Variants in SHC4 observed in about 807,000 individuals in gnomAD.
SHC4 encodes the protein SHC adaptor protein 4, also known as SHC-transforming protein 4.
A neutral mutation model predicts 69.4 loss-of-function variants in SHC4; 41 were observed. That is an observed-to-expected ratio of 0.59 (90% CI 0.46 to 0.77). The LOEUF is 0.77. Ranked by LOEUF, SHC4 falls within the 30% of genes least tolerant of loss-of-function variation. The pLI is 0.00. For synonymous variants in SHC4, 318 were observed against 299.3 expected (o/e 1.06, Z -0.64); for missense variants, 777 against 783.8 (o/e 0.99, Z 0.10).
At chr15:48,833,346 G>A (rs957541920) in intron 11 of SHC4, among the ~76,000 whole-genome samples, 6 of 152,152 alleles carry the variant, frequency 3.9e-5, no homozygotes, top group African/African-American at 1.4e-4. Flanking sequence ...GGCACTGCAA[G>A]TTCTCTGGTT....
At chr15:48,858,854 A>T (rs945513203) in intron 6 of SHC4, among the ~76,000 whole-genome samples, 1 of 152,202 alleles carries the variant, frequency 6.6e-6, no homozygotes, top group Non-Finnish European at 1.5e-5. Flanking sequence ...AATATACACA[A>T]GAGTGTTGTA....
At chr15:48,896,244 CTCTT>C (rs972346532) in intron 2 of SHC4, among the ~76,000 whole-genome samples, 10 of 142,142 alleles carry the variant, frequency 7.0e-5, no homozygotes, top group Non-Finnish European at 1.2e-4. Flanking sequence ...CCCTCCCTCT[CTCTT>C]TCTCTCTCTC....
At chr15:48,846,809 C>T (rs1455062131) in intron 9 of SHC4, among the ~76,000 whole-genome samples, 1 of 152,160 alleles carries the variant, frequency 6.6e-6, no homozygotes, top group Non-Finnish European at 1.5e-5. Context: ...AACCCCACCA[C>T]GTTTTGAAGA....
At chr15:48,873,557 A>G (rs1275908744) in intron 4 of SHC4, among the ~76,000 whole-genome samples, 1 of 152,174 alleles carries the variant, frequency 6.6e-6, no homozygotes, top group African/African-American at 2.4e-5. Flanking sequence ...ATCCTAGCTA[A>G]CACAGTGAAA....
chr15:48,878,135 T>C (rs1899855196), intron 4 of SHC4: 1 of 1,517,044 alleles, frequency 6.6e-7, no homozygotes, highest in Non-Finnish European at 8.8e-7. Flanking sequence ...GCAGCATCTG[T>C]CTTGCTGGAA....
intron 2 of SHC4, among the ~76,000 whole-genome samples, chr15:48,924,235 A>C (rs1258707755): frequency 6.6e-6 from 1 of 151,788 alleles, no homozygotes; most frequent in Non-Finnish European, 1.5e-5. Context: ...CATCTCCCTC[A>C]CTTCACAATT....
At chr15:48,956,912 A>G (rs1271387741) in intron 1 of SHC4, among the ~76,000 whole-genome samples, 1 of 151,626 alleles carries the variant, frequency 6.6e-6, no homozygotes, top group African/African-American at 2.4e-5. Context: ...TCAGGATTTT[A>G]AGCAGCATTT....
intron 1 of SHC4, among the ~76,000 whole-genome samples, chr15:48,959,122 T>C (rs1225050492): frequency 3.3e-5 from 5 of 152,140 alleles, no homozygotes; most frequent in African/African-American, 1.2e-4. Flanking sequence ...AGATGAAAAA[T>C]ATAGTCCCTA....
At chr15:48,922,530 C>T (rs567768474) in intron 2 of SHC4, among the ~76,000 whole-genome samples, 2 of 152,342 alleles carry the variant, frequency 1.3e-5, no homozygotes, top group East Asian at 1.9e-4. Context: ...CTTGCTGCAT[C>T]CTCACATGCT....
In SHC4 at chr15:48,825,444, G is replaced by C. The variant is rs2140960268; in HGVS notation, c.*527C>G. The C allele has an allele frequency of 6.5e-6, 1 of 152,756 alleles. No individual in the cohort carries two copies. Among genetic ancestry groups the C allele is most frequent in the South Asian group, 2.1e-4 (1 of 4,854 alleles). The allele number at this position is 152,756 out of a possible 1,614,324, so 9.5% of individuals were successfully genotyped here. ...ATGTCATATTTATTTTAACATTGCA[G>C]TGAAAAATGCTGCTAAACAGAAAAT... is the stretch of plus-strand genomic sequence containing the variant. On this transcript the variant is annotated 3_prime_UTR_variant, in exon 12 of 12. Coordinates refer to ENST00000332408, the MANE Select transcript of SHC4 (RefSeq NM_203349.4).
chr15:48,957,042 A>G (rs770005075), intron 1 of SHC4, among the ~76,000 whole-genome samples: 4 of 132,456 alleles, frequency 3.0e-5, no homozygotes, highest in Non-Finnish European at 4.6e-5. Flanking sequence ...TAGTGGCATG[A>G]TCTCAGCTCA....
At chr15:48,837,820 G>T (rs1898925979) in intron 10 of SHC4, among the ~76,000 whole-genome samples, 1 of 152,032 alleles carries the variant, frequency 6.6e-6, no homozygotes, top group African/African-American at 2.4e-5. Context: ...GATCTAATGG[G>T]CAAAAACCTC....
rs1898657580 is a variant in SHC4 at position 48,824,958 on chromosome 15, C to CATA, written c.*1010_*1012dup. On this transcript the variant is annotated 3_prime_UTR_variant, in exon 12 of 12. Coordinates refer to ENST00000332408, the MANE Select transcript of SHC4 (RefSeq NM_203349.4). ...TTTTTCCTTCTGCATTTTGTCTGAT[C>CATA]ATATCTATACGAGGTGCTAAGGATA... is the stretch of plus-strand genomic sequence containing the variant. The CATA allele has an allele frequency of 2.0e-5, 3 of 152,052 alleles. No individual in the cohort carries two copies. The South Asian group carries it at 6.2e-4, about 32-fold the overall frequency. 9.4% of individuals were successfully genotyped at this position (152,052 alleles called of 1,614,324 possible).
At chr15:48,828,115 G>GTGTATA (rs1208135088) in intron 11 of SHC4, among the ~76,000 whole-genome samples, 25 of 75,262 alleles carry the variant, frequency 3.3e-4, no homozygotes, top group African/African-American at 7.3e-4. Context: ...GTGTGTGTGT[G>GTGTATA]TATATATATA....
intron 6 of SHC4, among the ~76,000 whole-genome samples, chr15:48,860,155 T>C (rs1176658540): frequency 1.0e-5 from 1 of 97,908 alleles, no homozygotes; most frequent in East Asian, 2.4e-4. Flanking sequence ...ACCAAATAAA[T>C]ACTTTTTTTT....
intron 8 of SHC4, among the ~76,000 whole-genome samples, chr15:48,852,142 GGCATTACAGCTA>G (rs1360124397): frequency 3.3e-4 from 51 of 152,302 alleles, no homozygotes; most frequent in Middle Eastern, 6.8e-3. Flanking sequence ...AGTGCAATGT[GGCATTACAGCTA>G]GAGAGATACA....
intron 2 of SHC4, among the ~76,000 whole-genome samples, chr15:48,912,864 G>T (rs1900533875): frequency 1.3e-5 from 2 of 152,060 alleles, no homozygotes; most frequent in African/African-American, 4.8e-5. Flanking sequence ...GTCTCTTCTT[G>T]GTCTAGCCAC....
Position 48,845,024 on chromosome 15 carries a change from C to T in SHC4, c.1304-1436G>A, listed in dbSNP as rs374048190. On this transcript the variant is annotated intron_variant, in intron 9 of 11. Transcript: ENST00000332408. ...AGTAATTCATTCTGTTATTTATGTT[C>T]TATTCTATTATTTAGTTAAACAGAA... Among the ~76,000 whole-genome samples, 24 of 152,258 alleles carry T rather than the reference C, an allele frequency of 1.6e-4. 1 individual carries two copies. The South Asian group carries it at 4.8e-3, about 30-fold the overall frequency.
At chr15:48,845,124 A>G (rs1350406148) in intron 9 of SHC4, among the ~76,000 whole-genome samples, 1 of 152,232 alleles carries the variant, frequency 6.6e-6, no homozygotes, top group Non-Finnish European at 1.5e-5. Context: ...TGACAGTCCA[A>G]TGTAAGACAA....
Sources: gnomAD v4.1 joint callset for allele counts (sites outside exome capture counted in the v4.1 genomes callset) on GRCh38, gnomAD v4.1.1 for gene constraint, MANE v1.5 for transcripts, NCBI Gene and HGNC (gene_info 2026-07-23, HGNC 2026-07-21) for gene names.